The following SAMD5 variants were observed in gnomAD, a reference collection of about 807,000 sequenced individuals.
The protein encoded by SAMD5 is sterile alpha motif domain containing 5.
In SAMD5, 13 loss-of-function variants were observed where a neutral mutation model predicts 11.3. The ratio of observed to expected loss-of-function variants is 1.15; its 90% confidence interval spans 0.75 to 1.83. The LOEUF (loss-of-function observed/expected upper bound fraction) is 1.83. SAMD5 is among the 40% of genes most tolerant of loss of function. The pLI, the probability that SAMD5 is intolerant of heterozygous loss-of-function variation, is 0.00. For missense variants in SAMD5, 255 were observed against 239.1 expected, an observed-to-expected ratio of 1.07 and a Z score of -0.44; for synonymous variants, 129 against 111.3, an observed-to-expected ratio of 1.16 and a Z score of -1.00.
At chr6:147,740,797 T>C (rs188637751), downstream of SAMD5, among the ~76,000 whole-genome samples, 62 of 152,354 alleles carry the variant, frequency 4.1e-4, no homozygotes, top group East Asian at 8.7e-3. Context: ...TTGCATAATG[T>C]ACCATGTGAC....
intron 1 of SAMD5, among the ~76,000 whole-genome samples, chr6:147,703,877 C>T (rs900066184): frequency 6.6e-6 from 1 of 151,924 alleles, no homozygotes; most frequent in Non-Finnish European, 1.5e-5. Flanking sequence ...CTTGGAAATT[C>T]TACATTATTT....
chr6:147,625,468 G>T (rs148333006), intron 1 of SAMD5, among the ~76,000 whole-genome samples: 1 of 152,326 alleles, frequency 6.6e-6, no homozygotes, highest in East Asian at 1.9e-4. Flanking sequence ...TCAGTCAATT[G>T]TTTATTAAAA....
At chr6:147,723,817 T>A (rs900178706) in intron 1 of SAMD5, among the ~76,000 whole-genome samples, 10 of 152,220 alleles carry the variant, frequency 6.6e-5, no homozygotes, top group Admixed American at 6.5e-4. Context: ...GCCTTGGGAC[T>A]TTGGCTCTCT....
the SAMD5 span, among the ~76,000 whole-genome samples, chr6:147,856,941 A>G: frequency 1.3e-5 from 2 of 151,732 alleles, no homozygotes. Flanking sequence ...GCAGAGGGTG[A>G]TTAGCTTCCC....
chr6:147,561,679 TG>T (rs1194532092), intron 1 of SAMD5, among the ~76,000 whole-genome samples: 2 of 152,118 alleles, frequency 1.3e-5, no homozygotes, highest in African/African-American at 4.8e-5. Context: ...ATATGAGAAA[TG>T]TGTGATACGT....
the SAMD5 span, among the ~76,000 whole-genome samples, chr6:147,785,121 T>G: frequency 2.0e-5 from 3 of 152,202 alleles, no homozygotes. Context: ...TATTGACTCA[T>G]TCCTTCCACC....
chr6:147,837,526 C>A, the SAMD5 span, among the ~76,000 whole-genome samples: 15 of 152,330 alleles, frequency 9.8e-5, no homozygotes, highest in African/African-American at 3.1e-4. Flanking sequence ...AATGTTCTGT[C>A]CCCTTCTACA....
At chr6:147,875,119 T>C in the SAMD5 span, among the ~76,000 whole-genome samples, 1 of 152,252 alleles carries the variant, frequency 6.6e-6, no homozygotes, top group African/African-American at 2.4e-5. Context: ...ATAGTCACTT[T>C]AAAATTCTCT....
At position 147,564,770 on chromosome 6, in the gene SAMD5, T is replaced by C; in HGVS notation, c.*314T>C. 9.7e-7 allele frequency: 1 copy of C among 1,029,548 alleles called. No individual in the cohort carries two copies. Among genetic ancestry groups the C allele is most frequent in the Non-Finnish European group, 1.2e-6 (1 of 858,744 alleles). 63.8% of individuals were successfully genotyped at this position (1,029,548 alleles called of 1,614,324 possible). On this transcript the variant is annotated 3_prime_UTR_variant, in exon 2 of 2. Coordinates refer to ENST00000367474, the MANE Select transcript of SAMD5 (RefSeq NM_001030060.3). The stretch of plus-strand genomic sequence containing the variant: ...CCCTTCCATTCTTAATGAAAACAGA[T>C]GAGGTTGGCTAAGGCATTTGAGTCA...
the SAMD5 span, among the ~76,000 whole-genome samples, chr6:147,797,324 A>G: frequency 7.0e-6 from 1 of 143,062 alleles, no homozygotes; most frequent in Non-Finnish European, 1.5e-5. Context: ...TATTGAGATA[A>G]TCATGTGGTT....
At chr6:147,535,985 A>G (rs1788502153) in intron 1 of SAMD5, among the ~76,000 whole-genome samples, 1 of 151,582 alleles carries the variant, frequency 6.6e-6, no homozygotes, top group African/African-American at 2.4e-5. Flanking sequence ...TAAAATAACC[A>G]AGTTTTTTTT....
At chr6:147,892,644 A>G in the SAMD5 span, among the ~76,000 whole-genome samples, 96 of 152,286 alleles carry the variant, frequency 6.3e-4, no homozygotes, top group Admixed American at 2.5e-3. Flanking sequence ...GAATGGCTCC[A>G]GTTGCTAATT....
chr6:147,869,268 T>G, the SAMD5 span, among the ~76,000 whole-genome samples: 4 of 152,246 alleles, frequency 2.6e-5, no homozygotes, highest in Admixed American at 1.3e-4. Context: ...CAGCTGATGC[T>G]GTGGCCCTTG....
At chr6:147,558,634 T>TG (rs1788895684) in intron 1 of SAMD5, among the ~76,000 whole-genome samples, 1 of 151,980 alleles carries the variant, frequency 6.6e-6, no homozygotes, top group African/African-American at 2.4e-5. Context: ...CTTGCCCCTC[T>TG]CATGGGCTCT....
At chr6:147,695,300 C>T (rs1280211537) in intron 1 of SAMD5, among the ~76,000 whole-genome samples, 4 of 151,640 alleles carry the variant, frequency 2.6e-5, no homozygotes, top group Non-Finnish European at 4.4e-5. Flanking sequence ...TTAATGAGAT[C>T]TGCTTTGAGT....
chr6:147,730,168 G>T, intron 1 of SAMD5: 1 of 419,506 alleles, frequency 2.4e-6, no homozygotes. Context: ...GATGATTTCG[G>T]GAAAGAGCCT....
chr6:147,799,023 G>A, the SAMD5 span, among the ~76,000 whole-genome samples: 1,748 of 152,154 alleles, frequency 0.011, 36 homozygotes, highest in African/African-American at 0.041. Context: ...TCTTTATCCA[G>A]TTTGCCAGTC....
At position 147,584,716 on chromosome 6, in the gene SAMD5, C is replaced by A. The variant is rs182455843; in HGVS notation, c.162+75329C>A. On this transcript the variant is annotated intron_variant, in intron 1 of 1. Coordinates refer to the SAMD5 transcript ENST00000566741. ...ATACATATTTTGTTAGTGTAATATG[C>A]CTTCTTAGAATAAATAAATGAGGGT... is the stretch of plus-strand genomic sequence containing the variant. Among the ~76,000 whole-genome samples, 206 of 152,210 alleles carry A rather than the reference C, an allele frequency of 1.4e-3. 1 individual carries two copies. The highest frequency in any genetic ancestry group is 4.6e-3 in the African/African-American group (193 of 41,522).
the SAMD5 span, among the ~76,000 whole-genome samples, chr6:147,817,580 C>A: frequency 6.6e-6 from 1 of 152,318 alleles, no homozygotes; most frequent in South Asian, 2.1e-4. Context: ...TATGGAAAGA[C>A]AGACGCTTCG....
Sources: allele counts gnomAD v4.1 joint callset (sites outside exome capture counted in the v4.1 genomes callset), GRCh38; gene constraint gnomAD v4.1.1; transcripts MANE v1.5; gene names NCBI Gene and HGNC (gene_info 2026-07-23, HGNC 2026-07-21).